PLPBP: variants seen among roughly 807,000 people sequenced by gnomAD.
PLPBP encodes pyridoxal phosphate binding protein, also known as pyridoxal phosphate homeostasis protein.
In PLPBP, 21 loss-of-function variants were observed where a neutral mutation model predicts 31.2. The observed-to-expected ratio is 0.67, with a 90% CI of 0.48 to 0.97. The LOEUF (loss-of-function observed/expected upper bound fraction) is 0.97. Among genes scored for constraint, PLPBP ranks in the 50% least tolerant of loss-of-function variants. PLPBP has a pLI of 0.00. For missense variants in PLPBP, 308 were observed against 354.4 expected (o/e 0.87, Z 1.05); for synonymous variants, 124 against 135.6 (o/e 0.91, Z 0.59).
Position 37,765,652 on chromosome 8 carries a change from A to G in PLPBP, c.207+19A>G. On this transcript the variant is annotated intron_variant, in intron 2 of 7. Transcript: ENST00000328195. ...GAACTACGTAAGAGCCCTTTCCTGA[A>G]GCCCTTTGGAAGCATCATGATTGCC... is the stretch of plus-strand genomic sequence containing the variant. 6.2e-7 allele frequency: 1 copy of G among 1,614,196 alleles called. No individual in the cohort carries two copies. The highest frequency in any genetic ancestry group is 8.5e-7 in the Non-Finnish European group (1 of 1,180,002).
intron 1 of PLPBP, among the ~76,000 whole-genome samples, chr8:37,763,154 G>A (rs1308750576): frequency 2.0e-5 from 3 of 152,164 alleles, no homozygotes; most frequent in Non-Finnish European, 4.4e-5. Context: ...GAGATCGCGT[G>A]TGTGGCAGCG....
Position 37,762,731 on chromosome 8 carries a change from G to A in PLPBP, c.72G>A (p.Val24=), listed in dbSNP as rs557959524. 3.8e-6 allele frequency: 6 copies of A among 1,584,458 alleles called. No individual in the cohort carries two copies. The Admixed American group carries it at 8.9e-5, about 23-fold the overall frequency. ...CATTGCGGGCGGTGAACGAGCGCGT[G>A]CAGCAGGCTGTGGCGCGGCGGCCGC... is the stretch of plus-strand genomic sequence containing the variant. The part of the protein sequence containing the change: ...GCALRAVNER[V]QQAVARRPRD... The change falls in exon 1 of 8, where the codon GTG becomes GTA. Residue 24 remains valine (V), a synonymous_variant. Coordinates refer to ENST00000328195, the MANE Select transcript of PLPBP (RefSeq NM_007198.4).
intron 4 of PLPBP, among the ~76,000 whole-genome samples, chr8:37,770,532 A>C (rs1426366299): frequency 6.6e-6 from 1 of 152,214 alleles, no homozygotes; most frequent in Non-Finnish European, 1.5e-5. Context: ...TACTAAAAGA[A>C]AACATTGGGG....
chr8:37,764,672 TG>T lies in PLPBP; in HGVS notation c.100-851del, dbSNP rs772188969. On this transcript the variant is annotated intron_variant, in intron 1 of 7. Transcript: ENST00000328195. ...ACAATCAATTACTTAGTTACCTAAG[TG>T]GGCCACTTTTAGAGTAAATGGGGCA... 5.3e-5 allele frequency among the ~76,000 whole-genome samples: 8 copies of T among 152,320 alleles called. No homozygotes were observed. In the East Asian group the frequency reaches 1.2e-3, roughly 22 times the overall value.
Position 37,776,126 on chromosome 8 carries a change from T to A in PLPBP, c.696+110T>A, listed in dbSNP as rs938656327. ...TAGAAGCCTTGGAAATGCCTTGGGA[T>A]GGCAGTAAGGTACCCAGTGTCAGCT... On this transcript the variant is annotated intron_variant, in intron 7 of 7. Coordinates refer to ENST00000328195, the MANE Select transcript of PLPBP (RefSeq NM_007198.4). The A allele has an allele frequency of 3.0e-6, 3 of 1,014,946 alleles. No homozygotes were observed. In the East Asian group the frequency reaches 7.4e-5, roughly 25 times the overall value. 62.9% of individuals were successfully genotyped at this position (1,014,946 alleles called of 1,614,324 possible).
At position 37,778,780 on chromosome 8, in the gene PLPBP, A is replaced by G; in HGVS notation, c.*676A>G. 6.6e-6 allele frequency: 1 copy of G among 152,246 alleles called. No individual in the cohort carries two copies. The highest frequency in any genetic ancestry group is 1.5e-5 in the Non-Finnish European group (1 of 68,074). 9.4% of individuals were successfully genotyped at this position (152,246 alleles called of 1,614,324 possible). ...CAAGACCAGCCTCAGCAACAGCAGG[A>G]GCCCCACCCCCCGTCTCTACAAAAA... On this transcript the variant is annotated 3_prime_UTR_variant, in exon 8 of 8. Transcript: ENST00000328195.
chr8:37,774,666 A>G (rs1253639042), intron 5 of PLPBP, among the ~76,000 whole-genome samples: 1 of 152,254 alleles, frequency 6.6e-6, no homozygotes, highest in Non-Finnish European at 1.5e-5. Flanking sequence ...TTTAAATCCC[A>G]ATTATCAATA....
Position 37,772,788 on chromosome 8 carries a change from A to C in PLPBP, c.353A>C (p.Asp118Ala). Residue 118 changes from aspartate to alanine, a missense_variant, in exon 5 of 8, where the codon GAT becomes GCT. Around this residue, in one of 2 missense-constraint regions of PLPBP, gnomAD observed 188 missense variants for 259.3 expected, o/e 0.73. Transcript: ENST00000328195. ...VPNLFMLETVDSVKLADKVNS... is the reference protein window; with the variant it reads ...VPNLFMLETVASVKLADKVNS... Reference sequence around the variant, plus strand: ...AATCTCTTCATGCTGGAAACAGTGGATTCTGTGAAGTTGGCAGACAAAGTG... The same window carrying C: ...AATCTCTTCATGCTGGAAACAGTGGCTTCTGTGAAGTTGGCAGACAAAGTG... 6.2e-7 allele frequency: 1 copy of C among 1,614,190 alleles called. No individual in the cohort carries two copies. The highest frequency in any genetic ancestry group is 8.5e-7 in the Non-Finnish European group (1 of 1,180,036).
chr8:37,762,684 G>A lies in PLPBP; in HGVS notation c.25G>A (p.Ala9Thr). 1 of 1,588,918 alleles carries A rather than the reference G, an allele frequency of 6.3e-7. No homozygotes were observed. The highest frequency in any genetic ancestry group is 1.1e-5 in the South Asian group (1 of 87,828). The change falls in exon 1 of 8, where the codon GCC (alanine) becomes ACC (threonine). Residue 9 changes from alanine (A) to threonine (T), a missense_variant. By Grantham distance (58) the Ala-to-Thr change is moderately conservative. Coordinates refer to ENST00000328195, the MANE Select transcript of PLPBP (RefSeq NM_007198.4). MWRAGSMS[A>T]ELGVGCALRA... ...GATGTGGAGAGCTGGCAGCATGTCGGCCGAGCTGGGAGTCGGGTGCGCATT... is the reference window on the plus strand; with the variant it reads ...GATGTGGAGAGCTGGCAGCATGTCGACCGAGCTGGGAGTCGGGTGCGCATT...
At position 37,766,708 on chromosome 8, in the gene PLPBP, T is replaced by C. The variant is rs2129778493; in HGVS notation, c.319+353T>C. On this transcript the variant is annotated intron_variant, in intron 4 of 7. Coordinates refer to ENST00000328195, the MANE Select transcript of PLPBP (RefSeq NM_007198.4). ...AAATAAAAGGCTACAGTAAATAAAA[T>C]ACAATACAGTAAAGTAAGTATAGTA... The C allele has an allele frequency of 3.5e-6, 3 of 858,068 alleles. No individual in the cohort carries two copies. The South Asian group carries it at 1.5e-4, about 44-fold the overall frequency. The allele number at this position is 858,068 out of a possible 1,614,324, so 53.2% of individuals were successfully genotyped here. A position where few individuals can be genotyped will look rare whatever the true frequency, so the allele number is the denominator to read the frequency against.
rs1316482196 is a variant in PLPBP at position 37,777,838 on chromosome 8, T to C, written c.697-135T>C. The C allele has an allele frequency of 3.0e-6, 3 of 1,003,760 alleles. No homozygotes were observed. In the African/African-American group the frequency reaches 5.0e-5, roughly 17 times the overall value. 62.2% of individuals were successfully genotyped at this position (1,003,760 alleles called of 1,614,324 possible). ...TGCCCACCTCGGCCTCCCAAAATGC[T>C]GGGATTACAGGCGTGAGCCACCACG... is the stretch of plus-strand genomic sequence containing the variant. On this transcript the variant is annotated intron_variant, in intron 7 of 7. Transcript: ENST00000328195.
rs187211405 is a variant in PLPBP, at chr8:37,766,255, C to T, written c.244-25C>T. ...CAAGGCCTCTATAAAATCTGAATTA[C>T]ACATGGTTACCTTTTTCCCCTCAGA... On this transcript the variant is annotated intron_variant, in intron 3 of 7. Coordinates refer to ENST00000328195, the MANE Select transcript of PLPBP (RefSeq NM_007198.4). The T allele has an allele frequency of 2.8e-5, 44 of 1,582,626 alleles. No homozygotes were observed. In the African/African-American group the frequency reaches 5.1e-4, roughly 18 times the overall value.
chr8:37,776,052 G>A, intron 7 of PLPBP, 36 bp downstream of exon 7: 1 of 1,573,412 alleles, frequency 6.4e-7, no homozygotes, highest in Non-Finnish European at 8.7e-7. Flanking sequence ...TGCCTCGAGG[G>A]GTGGGGGTAG....
At position 37,778,162 on chromosome 8, in the gene PLPBP, C is replaced by T. The variant is rs1329954781; in HGVS notation, c.*58C>T. On this transcript the variant is annotated 3_prime_UTR_variant, in exon 8 of 8. Transcript: ENST00000328195. ...TAACCTAGATTTTCATTTCGATATT[C>T]CCTGTGTCCCAGCGCAGTCCTGCTC... The T allele has an allele frequency of 1.3e-6, 2 of 1,583,284 alleles. No individual in the cohort carries two copies. Among genetic ancestry groups the T allele is most frequent in the South Asian group, 1.1e-5 (1 of 89,888 alleles).
intron 4 of PLPBP, 87 bp downstream of exon 4, chr8:37,766,442 A>T: frequency 1.4e-6 from 2 of 1,436,148 alleles, no homozygotes; most frequent in South Asian, 2.9e-5. Context: ...CAACTTTTAG[A>T]ATAGCCCCAA....
Position 37,762,653 on chromosome 8 carries a change from C to G in PLPBP, c.-7C>G. On this transcript the variant is annotated 5_prime_UTR_variant, in exon 1 of 8. Coordinates refer to ENST00000328195, the MANE Select transcript of PLPBP (RefSeq NM_007198.4). ...GGGGCCTGGGGCTCGGCGTCGGTCC[C>G]CGGGGGATGTGGAGAGCTGGCAGCA... is the stretch of plus-strand genomic sequence containing the variant. 3 of 1,573,592 alleles carry G rather than the reference C, an allele frequency of 1.9e-6. No homozygotes were observed. The South Asian group carries it at 3.5e-5, about 18-fold the overall frequency.
In PLPBP at chr8:37,778,171, C is replaced by G; in HGVS notation, c.*67C>G. On this transcript the variant is annotated 3_prime_UTR_variant, in exon 8 of 8. Coordinates refer to ENST00000328195, the MANE Select transcript of PLPBP (RefSeq NM_007198.4). ...TTTTCATTTCGATATTCCCTGTGTC[C>G]CAGCGCAGTCCTGCTCTCCTGTGAC... 1 of 1,562,772 alleles carries G rather than the reference C, an allele frequency of 6.4e-7. No individual in the cohort carries two copies. The highest frequency in any genetic ancestry group is 1.1e-5 in the South Asian group (1 of 88,934).
intron 5 of PLPBP, among the ~76,000 whole-genome samples, chr8:37,773,353 C>T (rs1293864904): frequency 6.7e-6 from 1 of 150,128 alleles, no homozygotes; most frequent in African/African-American, 2.5e-5. Context: ...TTTGTAATAG[C>T]GATGGGGTTT....
chr8:37,771,380 T>C (rs7828362), intron 4 of PLPBP, among the ~76,000 whole-genome samples: 2,124 of 152,186 alleles, frequency 0.014, 53 homozygotes, highest in African/African-American at 0.049. Flanking sequence ...CCTCAAGTGA[T>C]TCGACCACCT....
Sources: allele counts gnomAD v4.1 joint callset (sites outside exome capture counted in the v4.1 genomes callset), GRCh38; gene constraint gnomAD v4.1.1; regional missense constraint gnomAD v4.1.1; transcripts MANE v1.5; gene names NCBI Gene and HGNC (gene_info 2026-07-23, HGNC 2026-07-21).